The following KLF3 variants were observed in gnomAD, a reference collection of about 807,000 sequenced individuals.
KLF3 encodes the protein KLF transcription factor 3, also known as Krueppel-like factor 3.
KLF3 carries 6 observed loss-of-function variants against 32.7 expected under a neutral mutation model. That is an observed-to-expected ratio of 0.18 (90% CI 0.10 to 0.36). KLF3 has a LOEUF of 0.36. Ranked by LOEUF, KLF3 falls within the 10% of genes least tolerant of loss-of-function variation. The pLI is 1.00. For missense variants in KLF3, 338 were observed against 449.7 expected, an observed-to-expected ratio of 0.75 and a Z score of 2.25; for synonymous variants, 145 against 172.8, an observed-to-expected ratio of 0.84 and a Z score of 1.26.
At chr4:38,680,447 C>G (rs978338722) in intron 1 of KLF3, 140 bp from the exon 2 acceptor site, 4 of 450,054 alleles carry the variant, frequency 8.9e-6, no homozygotes, top group Non-Finnish European at 8.5e-6. Context: ...CTCCTGACCT[C>G]AGGCGATCCG....
chr4:38,665,138 A>G (rs1001008059), intron 1 of KLF3, among the ~76,000 whole-genome samples: 2 of 152,108 alleles, frequency 1.3e-5, no homozygotes, highest in African/African-American at 4.8e-5. Context: ...TCTGGAGCCC[A>G]GGAGCTGCCA....
At chr4:38,693,092 GTATATATATATGTA>G (rs1722925898) in intron 4 of KLF3, among the ~76,000 whole-genome samples, 5 of 108,218 alleles carry the variant, frequency 4.6e-5, no homozygotes, top group African/African-American at 1.8e-4. Flanking sequence ...ATATATACAC[GTATATATATATGTA>G]CATATATATA....
intron 4 of KLF3, among the ~76,000 whole-genome samples, chr4:38,692,515 C>T (rs1487761942): frequency 6.6e-6 from 1 of 152,122 alleles, no homozygotes; most frequent in Admixed American, 6.6e-5. Flanking sequence ...ATAGCTTTAT[C>T]TTGGGAACAG....
intron 4 of KLF3, among the ~76,000 whole-genome samples, chr4:38,692,506 T>C (rs955673704): frequency 3.9e-5 from 6 of 152,236 alleles, no homozygotes; most frequent in Non-Finnish European, 7.3e-5. Context: ...CTACCATTTA[T>C]AGCTTTATCT....
intron 2 of KLF3, among the ~76,000 whole-genome samples, chr4:38,681,647 G>A (rs897785935): frequency 6.6e-6 from 1 of 152,176 alleles, no homozygotes; most frequent in Non-Finnish European, 1.5e-5. Flanking sequence ...GCAGGGAGTG[G>A]TTTCAACTTG....
At chr4:38,683,520 A>G (rs1260717683) in intron 2 of KLF3, among the ~76,000 whole-genome samples, 2 of 151,196 alleles carry the variant, frequency 1.3e-5, no homozygotes, top group Non-Finnish European at 2.9e-5. Flanking sequence ...TGCTACTTAC[A>G]TCCACCCAGT....
intron 1 of KLF3, among the ~76,000 whole-genome samples, chr4:38,667,157 C>CT (rs1560412049): frequency 6.6e-6 from 1 of 152,214 alleles, no homozygotes; most frequent in Non-Finnish European, 1.5e-5. Flanking sequence ...CTCCACCCCC[C>CT]TGTTGTTGTC....
chr4:38,688,506 A>G lies in KLF3; in HGVS notation c.58-79A>G. 7.3e-7 allele frequency: 1 copy of G among 1,372,996 alleles called. No homozygotes were observed. The highest frequency in any genetic ancestry group is 1.4e-5 in the South Asian group (1 of 71,050). The allele number at this position is 1,372,996 out of a possible 1,614,324, so 85.1% of individuals were successfully genotyped here. On this transcript the variant is annotated intron_variant, in intron 2 of 5. Transcript: ENST00000261438. This position sits in a 1 kb window ranked among gnomAD's most constrained non-coding sequence, Gnocchi z 4.9. ...CCATGTAATTGTTAAGTGCCTTGTT[A>G]GCATATTTTTCTTAATTCATGTTTC...
chr4:38,690,726 C>T (rs1395333379), intron 4 of KLF3: 1 of 152,188 alleles, frequency 6.6e-6, no homozygotes, highest in Non-Finnish European at 1.5e-5. Flanking sequence ...TCATTTTCCT[C>T]CAACTTGAAT....
chr4:38,689,754 G>T lies in KLF3; in HGVS notation c.570G>T (p.Lys190Asn). The T allele has an allele frequency of 6.2e-7, 1 of 1,602,710 alleles. No homozygotes were observed. Among genetic ancestry groups the T allele is most frequent in the East Asian group, 2.2e-5 (1 of 44,834 alleles). ...TACCTGTAATTGAATCATATGAGAA[G>T]CCTATATCACAGAAAAAAATTAAAA... Reference protein sequence around the residue: ...MQVPVIESYEKPISQKKIKIE... With the variant: ...MQVPVIESYENPISQKKIKIE... The change falls in exon 4 of 6, where the codon AAG (lysine) becomes AAT (asparagine). Residue 190 changes from lysine (K) to asparagine (N), a missense_variant. By Grantham distance (94) the Lys-to-Asn change is moderately conservative. This residue lies in a region of KLF3 where 272 missense variants were observed against 313.4 expected (regional missense o/e 0.87). Coordinates refer to ENST00000261438, the MANE Select transcript of KLF3 (RefSeq NM_016531.6).
At chr4:38,667,691 G>A (rs1405206294) in intron 1 of KLF3, among the ~76,000 whole-genome samples, 1 of 152,214 alleles carries the variant, frequency 6.6e-6, no homozygotes, top group African/African-American at 2.4e-5. Context: ...TTGCCCTGAA[G>A]CTGTCAATTT....
chr4:38,689,700 G>C, intron 3 of KLF3, 29 bp from the exon 4 acceptor site: 4 of 1,525,064 alleles, frequency 2.6e-6, no homozygotes, highest in Non-Finnish European at 3.6e-6. Context: ...AACTGTACGT[G>C]AAGTGACTTT....
intron 1 of KLF3, 131 bp from the exon 2 acceptor site, chr4:38,680,456 C>T (rs924195370): frequency 3.8e-5 from 18 of 477,034 alleles, no homozygotes; most frequent in African/African-American, 1.2e-4. Context: ...TCAGGCGATC[C>T]GTCTGCCTCA....
intron 2 of KLF3, among the ~76,000 whole-genome samples, chr4:38,686,598 A>T (rs1004390479): frequency 6.6e-6 from 1 of 152,116 alleles, no homozygotes; most frequent in African/African-American, 2.4e-5. Context: ...CAAAATTTGC[A>T]TTTTAACGAG....
chr4:38,699,245 T>G lies in KLF3; in HGVS notation c.*1982T>G, dbSNP rs1191335280. The G allele has an allele frequency of 6.6e-6, 1 of 152,172 alleles. No individual in the cohort carries two copies. Among genetic ancestry groups the G allele is most frequent in the African/African-American group, 2.4e-5 (1 of 41,406 alleles). 9.4% of individuals were successfully genotyped at this position (152,172 alleles called of 1,614,324 possible). ...TGGGCTGTTTTTTTGTTTTGTTTTG[T>G]TTTTCAGCTAAAGGCAAAGATAATT... On this transcript the variant is annotated 3_prime_UTR_variant, in exon 6 of 6. Transcript: ENST00000261438.
chr4:38,691,843 A>C (rs1177137831), intron 4 of KLF3, among the ~76,000 whole-genome samples: 1 of 152,222 alleles, frequency 6.6e-6, no homozygotes, highest in Admixed American at 6.5e-5. Flanking sequence ...CCCACGTAGG[A>C]AACCAGCTAG....
rs768607190 is a variant in KLF3 at position 38,699,388 on chromosome 4, G to A, written c.*2125G>A. The A allele has an allele frequency of 3.9e-5, 6 of 152,186 alleles. No individual in the cohort carries two copies. The highest frequency in any genetic ancestry group is 1.4e-4 in the African/African-American group (6 of 41,428). The allele number at this position is 152,186 out of a possible 1,614,324, so 9.4% of individuals were successfully genotyped here. A position where few individuals can be genotyped will look rare whatever the true frequency, so the allele number is the denominator to read the frequency against. ...AATGCTTAGTCATATTCATGGCAAA[G>A]TGTTCATTTCTTGAGATGGTTCTTT... On this transcript the variant is annotated 3_prime_UTR_variant, in exon 6 of 6. Coordinates refer to ENST00000261438, the MANE Select transcript of KLF3 (RefSeq NM_016531.6).
chr4:38,664,860 T>A (rs1475339980), intron 1 of KLF3: 1 of 151,930 alleles, frequency 6.6e-6, no homozygotes, highest in Non-Finnish European at 1.5e-5. Context: ...ATCTCCGTGC[T>A]CTCCGCGTGT....
intron 1 of KLF3, among the ~76,000 whole-genome samples, chr4:38,666,901 GAAC>G (rs34809549): frequency 0.025 from 3,817 of 152,288 alleles, 160 homozygotes; most frequent in African/African-American, 0.087. Flanking sequence ...CACTGAGGCT[GAAC>G]CATAATCATT....
Sources: allele counts gnomAD v4.1 joint callset (sites outside exome capture counted in the v4.1 genomes callset), GRCh38; gene constraint gnomAD v4.1.1; regional missense constraint gnomAD v4.1.1; non-coding constraint Gnocchi (gnomAD v3.1); transcripts MANE v1.5; gene names NCBI Gene and HGNC (gene_info 2026-07-23, HGNC 2026-07-21).